Variants in RUNX1 observed in about 807,000 individuals in gnomAD.
The protein encoded by RUNX1 is RUNX family transcription factor 1, also known as runt-related transcription factor 1.
RUNX1 carries 19 observed loss-of-function variants against 42.8 expected under a neutral mutation model. That is an observed-to-expected ratio of 0.44 (90% confidence interval 0.31 to 0.65). The LOEUF (loss-of-function observed/expected upper bound fraction) is 0.65. Ranked by LOEUF, RUNX1 falls within the 30% of genes least tolerant of loss-of-function variation. The pLI is 0.07. For missense variants in RUNX1, 528 were observed against 672.0 expected, an observed-to-expected ratio of 0.79 and a Z score of 2.37; for synonymous variants, 271 against 289.4, an observed-to-expected ratio of 0.94 and a Z score of 0.64.
chr21:34,862,672 C>T (rs2057594295), intron 5 of RUNX1, among the ~76,000 whole-genome samples: 2 of 151,822 alleles, frequency 1.3e-5, no homozygotes, highest in Non-Finnish European at 2.9e-5. Flanking sequence ...TCCCCTCCCT[C>T]TTCTTAGAAG....
At chr21:34,834,216 T>C (rs1392253977) in intron 7 of RUNX1, 194 bp downstream of exon 7, 5 of 699,550 alleles carry the variant, frequency 7.1e-6, no homozygotes, top group Non-Finnish European at 1.3e-5. Context: ...TCTGACTCGG[T>C]GGGTCTGGGG....
intron 2 of RUNX1, among the ~76,000 whole-genome samples, chr21:35,030,853 AT>A (rs1183608128): frequency 3.3e-5 from 5 of 152,380 alleles, no homozygotes; most frequent in African/African-American, 1.2e-4. Flanking sequence ...TCCAAACTAC[AT>A]AAAGAACTCA....
intron 2 of RUNX1, among the ~76,000 whole-genome samples, chr21:34,912,999 G>C (rs2058283996): frequency 6.6e-6 from 1 of 152,186 alleles, no homozygotes; most frequent in African/African-American, 2.4e-5. Flanking sequence ...GGGAGGCTGA[G>C]GCAGGTGGAT....
chr21:34,840,946 C>T (rs1266350706), intron 6 of RUNX1, among the ~76,000 whole-genome samples: 2 of 152,190 alleles, frequency 1.3e-5, no homozygotes, highest in Non-Finnish European at 2.9e-5. Context: ...ACCCCTCCCC[C>T]TCTACCATCC....
At chr21:34,887,649 C>T in intron 3 of RUNX1, 1 of 1,079,034 alleles carries the variant, frequency 9.3e-7, no homozygotes, top group African/African-American at 1.6e-5. Flanking sequence ...TCCCGAAAAG[C>T]AAGAGCTGAG....
chr21:34,792,224 C>G lies in RUNX1; in HGVS notation c.1354G>C (p.Val452Leu), dbSNP rs916623598. Residue 452 changes from valine to leucine, a missense_variant, in exon 9 of 9, where the codon GTG becomes CTG. Coordinates refer to ENST00000675419, the MANE Select transcript of RUNX1 (RefSeq NM_001754.5). The surrounding 1 kb of genome is among the most constrained non-coding windows in gnomAD (Gnocchi z 6.9). The part of the protein sequence containing the change: ...LNPSLPNQSD[V>L]VEAEGSHSNS... ...CTGTGGCTGCCCTCGGCCTCCACCA[C>G]GTCGCTCTGGTTCGGGAGGCTGGGG... 6.5e-7 allele frequency: 1 copy of G among 1,540,052 alleles called. No individual in the cohort carries two copies. The highest frequency in any genetic ancestry group is 8.7e-7 in the Non-Finnish European group (1 of 1,149,178).
At chr21:34,981,690 G>C (rs1053229435) in intron 2 of RUNX1, among the ~76,000 whole-genome samples, 1 of 152,166 alleles carries the variant, frequency 6.6e-6, no homozygotes, top group Non-Finnish European at 1.5e-5. Flanking sequence ...TTTCAAAGAA[G>C]ATTTTACTTG....
intron 2 of RUNX1, among the ~76,000 whole-genome samples, chr21:34,972,728 A>T (rs1569132225): frequency 1.3e-5 from 2 of 152,216 alleles, no homozygotes; most frequent in Non-Finnish European, 2.9e-5. Flanking sequence ...TGCATTGATT[A>T]ACTCTACAAA....
chr21:34,825,389 C>A (rs1476533670), intron 7 of RUNX1, among the ~76,000 whole-genome samples: 1 of 152,100 alleles, frequency 6.6e-6, no homozygotes, highest in East Asian at 1.9e-4. Flanking sequence ...ACCTCTGATT[C>A]CATCGGTATA....
At chr21:34,889,215 CA>C (rs1317035631) in intron 3 of RUNX1, among the ~76,000 whole-genome samples, 2 of 151,786 alleles carry the variant, frequency 1.3e-5, no homozygotes, top group Non-Finnish European at 2.9e-5. Context: ...CCTCCGCTTC[CA>C]GGGCGGGGGT....
intron 4 of RUNX1, among the ~76,000 whole-genome samples, chr21:34,883,868 A>G (rs1213231152): frequency 6.6e-6 from 1 of 152,248 alleles, no homozygotes; most frequent in Non-Finnish European, 1.5e-5. Context: ...AAGGCTGTGG[A>G]GTGGAACACA....
chr21:34,893,202 T>A (rs1188766825), intron 2 of RUNX1, among the ~76,000 whole-genome samples: 2 of 152,186 alleles, frequency 1.3e-5, no homozygotes, highest in Non-Finnish European at 2.9e-5. Context: ...TAATACTGAA[T>A]ATCTGTCATA....
At chr21:34,888,483 C>G (rs765913340) in intron 3 of RUNX1, 8 of 1,065,514 alleles carry the variant, frequency 7.5e-6, no homozygotes, top group Admixed American at 1.1e-4. Flanking sequence ...CCAGTTAATT[C>G]AAAAGGAAGA....
chr21:34,810,411 A>G (rs1039078652), intron 7 of RUNX1, among the ~76,000 whole-genome samples: 1 of 152,252 alleles, frequency 6.6e-6, no homozygotes, highest in African/African-American at 2.4e-5. Flanking sequence ...GGGGAAAAGG[A>G]GAATTCAAAA....
chr21:34,928,970 G>GC (rs954216237), intron 2 of RUNX1, among the ~76,000 whole-genome samples: 27 of 147,516 alleles, frequency 1.8e-4, no homozygotes, highest in African/African-American at 6.2e-4. Context: ...TTGGGGGGGG[G>GC]GGTAGATTTC....
At position 34,788,580 on chromosome 21, in the gene RUNX1, A is replaced by T. The variant is rs937439126; in HGVS notation, c.*3555T>A. 4.3e-6 allele frequency: 1 copy of T among 233,140 alleles called. No homozygotes were observed. The highest frequency in any genetic ancestry group is 2.2e-5 in the African/African-American group (1 of 45,328). The allele number at this position is 233,140 out of a possible 1,614,324, so 14.4% of individuals were successfully genotyped here. A position where few individuals can be genotyped will look rare whatever the true frequency, so the allele number is the denominator to read the frequency against. Reference sequence around the variant, plus strand: ...AAAAAATTGAAAAAAAGTTATAGGCATTAACAATATTTTATAATGAAGCTT... The same window carrying T: ...AAAAAATTGAAAAAAAGTTATAGGCTTTAACAATATTTTATAATGAAGCTT... On this transcript the variant is annotated 3_prime_UTR_variant, in exon 9 of 9. Transcript: ENST00000675419.
rs187029092 is a variant in RUNX1, at chr21:34,998,635, A to G, written c.58+50207T>C. On this transcript the variant is annotated intron_variant, in intron 2 of 8. Transcript: ENST00000675419. ...CGGCTCACTGCAAGCTCCGCCTCCC[A>G]GGTTCACGCCATTCTCCTGCCTCAG... 4.5e-4 allele frequency among the ~76,000 whole-genome samples: 69 copies of G among 151,746 alleles called. No individual in the cohort carries two copies. The East Asian group carries it at 9.5e-3, about 21-fold the overall frequency.
chr21:34,889,377 T>C (rs2058048167), intron 3 of RUNX1, among the ~76,000 whole-genome samples: 2 of 152,022 alleles, frequency 1.3e-5, no homozygotes, highest in South Asian at 4.1e-4. Context: ...GGTCGGTTTC[T>C]GTAATGGGTG....
intron 2 of RUNX1, among the ~76,000 whole-genome samples, chr21:34,996,372 G>C (rs1273786571): frequency 6.6e-6 from 1 of 152,142 alleles, no homozygotes; most frequent in Non-Finnish European, 1.5e-5. Flanking sequence ...GGGTGGGACT[G>C]GGGTCAGAGG....
Sources: gnomAD v4.1 joint callset for allele counts (sites outside exome capture counted in the v4.1 genomes callset) on GRCh38, gnomAD v4.1.1 for gene constraint, Gnocchi (gnomAD v3.1) non-coding constraint, MANE v1.5 for transcripts, NCBI Gene and HGNC (gene_info 2026-07-23, HGNC 2026-07-21) for gene names.